NBPF15: variants seen among roughly 807,000 people sequenced by gnomAD.
NBPF15 encodes the protein NBPF member 15.
A neutral mutation model predicts 62.2 loss-of-function variants in NBPF15; 74 were observed. The ratio of observed to expected loss-of-function variants is 1.19; its 90% confidence interval spans 0.99 to 1.44. NBPF15 has a LOEUF of 1.44. Ranked by LOEUF, NBPF15 falls within the 40% of genes most tolerant of loss-of-function variation. NBPF15 has a pLI of 0.00. For synonymous variants in NBPF15, 244 were observed against 209.7 expected, an observed-to-expected ratio of 1.16 and a Z score of -1.41; for missense variants, 790 against 550.0, an observed-to-expected ratio of 1.44 and a Z score of -4.36.
At position 144,459,350 on chromosome 1, in the gene NBPF15, G is replaced by C. The variant is rs1650688727; in HGVS notation, c.-701+16C>G. 1 of 151,994 alleles carries C rather than the reference G, an allele frequency of 6.6e-6. No homozygotes were observed. The highest frequency in any genetic ancestry group is 2.1e-4 in the South Asian group (1 of 4,822). 9.4% of individuals were successfully genotyped at this position (151,994 alleles called of 1,614,324 possible). ...TACTAAAAATACAGAAAAGAGCTGA[G>C]TGTGGTGGTGCTCACCTGTAGGTCC... On this transcript the variant is annotated intron_variant, in intron 3 of 21. Transcript: ENST00000581897.
chr1:144,423,377 G>C (rs1351872535), intron 21 of NBPF15, 121 bp from the exon 22 acceptor site: 2 of 1,581,704 alleles, frequency 1.3e-6, no homozygotes, highest in South Asian at 1.2e-5. Flanking sequence ...ATTCATTAAT[G>C]AGGTAAAAAA....
chr1:144,439,957 T>C lies in NBPF15; in HGVS notation c.47A>G (p.Asn16Ser), dbSNP rs2102217153. The change falls in exon 8 of 22, where the codon AAC (asparagine) becomes AGC (serine). Residue 16 changes from asparagine to serine, a missense_variant. By Grantham distance (46) the Asn-to-Ser change is conservative. Coordinates refer to ENST00000581897, the MANE Select transcript of NBPF15 (RefSeq NM_001385408.1). ...CAATTTCTCATTGATTTCTAGAATG[T>C]TCATCTCTGCCTTCTCGCTGGACAA... Reference protein sequence around the residue: ...GPLSSEKAEMNILEINEKLRP... With the variant: ...GPLSSEKAEMSILEINEKLRP... The C allele has an allele frequency of 1.9e-6, 3 of 1,610,864 alleles. No individual in the cohort carries two copies. Among genetic ancestry groups the C allele is most frequent in the East Asian group, 2.2e-5 (1 of 44,864 alleles).
intron 17 of NBPF15, among the ~76,000 whole-genome samples, chr1:144,426,673 G>T (rs1426417616): frequency 1.3e-5 from 2 of 151,602 alleles, no homozygotes; most frequent in South Asian, 4.2e-4. Context: ...AGGAGAAAGT[G>T]AGCTCAGCGA....
At position 144,458,346 on chromosome 1, in the gene NBPF15, C is replaced by A. The variant is rs377579828; in HGVS notation, c.-701+1020G>T. ...TAGCTCTGTGAGGCTCAAATAACAT[C>A]TAATTCAAGTCACAATGAACATCTA... On this transcript the variant is annotated intron_variant, in intron 3 of 21. Transcript: ENST00000581897. 5.9e-5 allele frequency among the ~76,000 whole-genome samples: 9 copies of A among 151,736 alleles called. No homozygotes were observed. In the East Asian group the frequency reaches 9.7e-4, roughly 16 times the overall value.
chr1:144,439,429 T>A (rs1553542101), intron 8 of NBPF15, among the ~76,000 whole-genome samples: 1 of 151,980 alleles, frequency 6.6e-6, no homozygotes. Flanking sequence ...CTGTTGGGCC[T>A]CCACAGAAAC....
chr1:144,427,879 G>A lies in NBPF15; in HGVS notation c.1152C>T (p.Pro384=), dbSNP rs1332196533. The change falls in exon 16 of 22, where the codon CCC becomes CCT. Residue 384 remains proline, a synonymous_variant. Transcript: ENST00000581897. ...CCAATACGTAAAAGGCACTTCTGTA[G>A]GGCTGGCATGAGTCAGTCAGTTCAA... is the stretch of plus-strand genomic sequence containing the variant. ...GCLELTDSCQ[P]YRSAFYVLEQ... is the part of the protein sequence containing the mutation. The A allele has an allele frequency of 7.7e-6, 5 of 648,816 alleles. No individual in the cohort carries two copies. The highest frequency in any genetic ancestry group is 2.8e-6 in the Non-Finnish European group (1 of 359,938). 40.2% of individuals were successfully genotyped at this position (648,816 alleles called of 1,614,324 possible).
intron 4 of NBPF15, among the ~76,000 whole-genome samples, chr1:144,451,311 T>C (rs1261704122): frequency 1.3e-5 from 2 of 151,976 alleles, no homozygotes; most frequent in Non-Finnish European, 2.9e-5. Context: ...TCTCAGTAGA[T>C]GGGATATACA....
chr1:144,446,091 GATCTGCCCA>G (rs1687348580), intron 6 of NBPF15, among the ~76,000 whole-genome samples: 10 of 151,166 alleles, frequency 6.6e-5, no homozygotes, highest in Non-Finnish European at 1.2e-4. Context: ...CTGACCTCAT[GATCTGCCCA>G]CCTCGGCCTC....
intron 4 of NBPF15, among the ~76,000 whole-genome samples, chr1:144,451,462 G>T (rs1194007669): frequency 1.3e-5 from 2 of 151,374 alleles, no homozygotes; most frequent in African/African-American, 4.9e-5. Context: ...TGTCGGGCTG[G>T]GGGACAGTCA....
At chr1:144,436,625 T>G (rs1156834010) in intron 10 of NBPF15, among the ~76,000 whole-genome samples, 5 of 152,016 alleles carry the variant, frequency 3.3e-5, no homozygotes, top group Non-Finnish European at 7.4e-5. Flanking sequence ...CATCGCAGCC[T>G]CCTTCCTGTC....
chr1:144,432,465 C>A (rs587752961), intron 13 of NBPF15, among the ~76,000 whole-genome samples: 43 of 152,004 alleles, frequency 2.8e-4, no homozygotes, highest in African/African-American at 1.0e-3. Flanking sequence ...ACAATATTAA[C>A]CTTAAATGTA....
intron 4 of NBPF15, among the ~76,000 whole-genome samples, chr1:144,454,240 G>A (rs1256868498): frequency 2.1e-5 from 3 of 141,138 alleles, no homozygotes; most frequent in Middle Eastern, 3.6e-3. Flanking sequence ...GCACGAAATG[G>A]TGAAGTACAG....
intron 6 of NBPF15, among the ~76,000 whole-genome samples, chr1:144,447,100 G>A (rs1478667611): frequency 6.6e-6 from 1 of 152,278 alleles, no homozygotes; most frequent in African/African-American, 2.4e-5. Context: ...TCTCTAGACA[G>A]CCAAGTCCCA....
Position 144,452,109 on chromosome 1 carries a change from G to A in NBPF15, c.-431-1239C>T, listed in dbSNP as rs1212343805. On this transcript the variant is annotated intron_variant, in intron 4 of 21. Transcript: ENST00000581897. ...GGAGGTTGCAGTGAGCTGAGATGGC[G>A]CCGTTGCATTCGAGCCCAAGGAAAA... Among the ~76,000 whole-genome samples, 74 of 150,916 alleles carry A rather than the reference G, an allele frequency of 4.9e-4. 1 individual carries two copies. The highest frequency in any genetic ancestry group is 6.8e-3 in the Middle Eastern group (2 of 294).
chr1:144,442,290 T>TTATA (rs587605412), intron 6 of NBPF15, among the ~76,000 whole-genome samples: 17 of 120,124 alleles, frequency 1.4e-4, no homozygotes, highest in South Asian at 4.9e-4. Flanking sequence ...CGTGTATATA[T>TTATA]TATATATATA....
At chr1:144,424,512 C>T (rs1352438771) in intron 20 of NBPF15, among the ~76,000 whole-genome samples, 178 bp downstream of exon 20, 1 of 151,994 alleles carries the variant, frequency 6.6e-6, no homozygotes, top group African/African-American at 2.4e-5. Flanking sequence ...TGCTCACTGA[C>T]CCATCCCTTG....
chr1:144,442,371 T>C (rs1349124703), intron 6 of NBPF15, among the ~76,000 whole-genome samples: 3 of 138,462 alleles, frequency 2.2e-5, no homozygotes, highest in Non-Finnish European at 4.6e-5. Flanking sequence ...TATACATGTA[T>C]ACATGTATAT....
In NBPF15 at chr1:144,439,522, C is replaced by G. The variant is rs587736944; in HGVS notation, c.175+307G>C. Among the ~76,000 whole-genome samples, 8 of 152,146 alleles carry G rather than the reference C, an allele frequency of 5.3e-5. No individual in the cohort carries two copies. In the East Asian group the frequency reaches 1.4e-3, roughly 26 times the overall value. On this transcript the variant is annotated intron_variant, in intron 8 of 21. Transcript: ENST00000581897. ...TTTGTCTGCAGGATCTTATATGGTA[C>G]AGAGAGGATTCTTGAAAACATGATT...
chr1:144,441,188 A>G (rs1455645146), intron 6 of NBPF15, among the ~76,000 whole-genome samples: 75 of 151,638 alleles, frequency 4.9e-4, no homozygotes, highest in African/African-American at 1.8e-3. Context: ...ATACATACTT[A>G]TTTTCCTGGG....
Sources: gnomAD v4.1 joint callset for allele counts (sites outside exome capture counted in the v4.1 genomes callset) on GRCh38, gnomAD v4.1.1 for gene constraint, MANE v1.5 for transcripts, NCBI Gene and HGNC (gene_info 2026-07-23, HGNC 2026-07-21) for gene names.